The following ZNF331 variants were observed in gnomAD, a reference collection of about 807,000 sequenced individuals.
ZNF331 encodes the protein zinc finger protein 331, also known as C2H2-like zinc finger protein rearranged in thyroid adenomas.
In ZNF331, 2 loss-of-function variants were observed where a neutral mutation model predicts 7.0. The ratio of observed to expected loss-of-function variants is 0.29; its 90% CI spans 0.12 to 0.90. The LOEUF is 0.90. Ranked by LOEUF, ZNF331 falls within the 40% of genes least tolerant of loss-of-function variation. The pLI is 0.58. For synonymous variants in ZNF331, 196 were observed against 205.4 expected (o/e 0.95, Z 0.39); for missense variants, 432 against 587.7 (o/e 0.74, Z 2.74).
At chr19:53,533,750 C>A (rs1392561411), upstream of ZNF331, among the ~76,000 whole-genome samples, 1 of 152,088 alleles carries the variant, frequency 6.6e-6, no homozygotes, top group East Asian at 1.9e-4. Flanking sequence ...GACTTTCTTT[C>A]TCTTCTTATA....
intron 2 of ZNF331, among the ~76,000 whole-genome samples, chr19:53,540,153 T>C (rs1381106184): frequency 1.3e-5 from 2 of 152,206 alleles, no homozygotes; most frequent in Non-Finnish European, 2.9e-5. Context: ...TACCATACTC[T>C]ATTGTGTTTT....
At chr19:53,523,685 T>C (rs1339891302) in intron 2 of ZNF331, among the ~76,000 whole-genome samples, 1 of 152,204 alleles carries the variant, frequency 6.6e-6, no homozygotes, top group Non-Finnish European at 1.5e-5. Flanking sequence ...GCATAAGTTT[T>C]TTAATGATGC....
intron 2 of ZNF331, among the ~76,000 whole-genome samples, chr19:53,549,918 CTTT>C (rs1325685575): frequency 1.3e-5 from 2 of 152,126 alleles, no homozygotes; most frequent in Non-Finnish European, 2.9e-5. Context: ...CTCTTGCCTT[CTTT>C]AAGATTTGAG....
intron 2 of ZNF331, among the ~76,000 whole-genome samples, chr19:53,549,904 G>A (rs1243012404): frequency 6.6e-6 from 1 of 152,032 alleles, no homozygotes; most frequent in Non-Finnish European, 1.5e-5. Context: ...GCTTAGAACT[G>A]CCTCTCTTGC....
At chr19:53,520,014 A>T (rs7252507), upstream of ZNF331, among the ~76,000 whole-genome samples, 973 of 152,154 alleles carry the variant, frequency 6.4e-3, 12 homozygotes, top group African/African-American at 0.022. Flanking sequence ...ACTTTTCCCA[A>T]ATCACAGCTT....
At chr19:53,509,051 G>A in the ZNF331 span, among the ~76,000 whole-genome samples, 1 of 152,060 alleles carries the variant, frequency 6.6e-6, no homozygotes, top group South Asian at 2.1e-4. Flanking sequence ...GAGTCTCCCT[G>A]GAAATGATGT....
chr19:53,543,754 G>A (rs2088349884), intron 2 of ZNF331, among the ~76,000 whole-genome samples: 1 of 152,112 alleles, frequency 6.6e-6, no homozygotes, highest in South Asian at 2.1e-4. Flanking sequence ...ATCATACCAT[G>A]TAGTACTTTT....
chr19:53,576,668 A>C, intron 5 of ZNF331, 29 bp from the exon 6 acceptor site: 1 of 1,570,298 alleles, frequency 6.4e-7, no homozygotes, highest in South Asian at 1.2e-5. Context: ...GTCCCTCTAA[A>C]GGAAAGAAAA....
chr19:53,569,408 T>C, intron 4 of ZNF331, 23 bp downstream of exon 4: 1 of 1,613,758 alleles, frequency 6.2e-7, no homozygotes, highest in Admixed American at 1.7e-5. Context: ...TTCTCTTTCC[T>C]TCTTGAGCTA....
At chr19:53,505,855 G>A in the ZNF331 span, among the ~76,000 whole-genome samples, 1 of 151,710 alleles carries the variant, frequency 6.6e-6, no homozygotes, top group Non-Finnish European at 1.5e-5. Context: ...CGTGGTGGTG[G>A]GCACCTGTAG....
chr19:53,561,254 G>C (rs927423677), intron 3 of ZNF331, among the ~76,000 whole-genome samples: 17 of 144,246 alleles, frequency 1.2e-4, no homozygotes, highest in African/African-American at 4.4e-4. Flanking sequence ...AACTATGTTT[G>C]TGTTTGGCAT....
intron 5 of ZNF331, among the ~76,000 whole-genome samples, chr19:53,575,386 G>A (rs960628043): frequency 2.0e-5 from 3 of 151,068 alleles, no homozygotes; most frequent in African/African-American, 4.9e-5. Context: ...TGATGCTCAA[G>A]TTCTAAACTT....
At chr19:53,535,287 C>T (rs926792577), upstream of ZNF331, among the ~76,000 whole-genome samples, 2 of 152,072 alleles carry the variant, frequency 1.3e-5, no homozygotes, top group Admixed American at 6.6e-5. Context: ...GATGGGGTTT[C>T]GCCATGTTGG....
At chr19:53,507,361 A>G in the ZNF331 span, among the ~76,000 whole-genome samples, 1 of 152,080 alleles carries the variant, frequency 6.6e-6, no homozygotes, top group African/African-American at 2.4e-5. Flanking sequence ...TGATATTCCA[A>G]TTTTGAGATG....
At chr19:53,568,466 A>G (rs940181123) in intron 3 of ZNF331, among the ~76,000 whole-genome samples, 1 of 152,146 alleles carries the variant, frequency 6.6e-6, no homozygotes, top group Non-Finnish European at 1.5e-5. Flanking sequence ...TTGGTGGATT[A>G]ACTGTCTACA....
At chr19:53,559,420 C>T (rs571317326) in intron 3 of ZNF331, among the ~76,000 whole-genome samples, 14 of 149,668 alleles carry the variant, frequency 9.4e-5, no homozygotes, top group East Asian at 7.9e-4. Context: ...ACATACACAT[C>T]GTACACACAC....
chr19:53,559,537 C>CCATATATACACACATATACACACCTA (rs1274605394), intron 3 of ZNF331, among the ~76,000 whole-genome samples: 2 of 149,774 alleles, frequency 1.3e-5, no homozygotes, highest in African/African-American at 4.9e-5. Context: ...TACACACACG[C>CCATATATACACACATATACACACCTA]CATATATACA....
chr19:53,521,538 G>T (rs2087088365), exon 1 of ZNF331: 1 of 152,386 alleles, frequency 6.6e-6, no homozygotes, highest in African/African-American at 2.4e-5. Context: ...AGACGTCTAT[G>T]AGGGCCATAG....
intron 2 of ZNF331, among the ~76,000 whole-genome samples, chr19:53,522,983 C>G (rs553400421): frequency 1.6e-4 from 24 of 152,052 alleles, no homozygotes; most frequent in Non-Finnish European, 3.2e-4. Flanking sequence ...CACCAGATAT[C>G]TTTGGTCTTT....
Sources: allele counts gnomAD v4.1 joint callset (sites outside exome capture counted in the v4.1 genomes callset), GRCh38; gene constraint gnomAD v4.1.1; transcripts MANE v1.5; gene names NCBI Gene and HGNC (gene_info 2026-07-23, HGNC 2026-07-21).